The following CNTN4 variants were observed in gnomAD, a reference collection of about 807,000 sequenced individuals.
CNTN4 encodes the protein contactin-4.
A neutral mutation model predicts 122.5 loss-of-function variants in CNTN4; 77 were observed. The ratio of observed to expected loss-of-function variants is 0.63; its 90% confidence interval spans 0.52 to 0.76. The LOEUF (loss-of-function observed/expected upper bound fraction) is 0.76, where lower values mean the gene tolerates loss of function less well. Ranked by LOEUF, CNTN4 falls within the 30% of genes least tolerant of loss-of-function variation. CNTN4 has a pLI of 0.00. For synonymous variants in CNTN4, 512 were observed against 447.0 expected (o/e 1.15, Z -1.83); for missense variants, 1,256 against 1,259.1 (o/e 1.00, Z 0.04).
chr3:2,489,377 A>G (rs2076250827), intron 3 of CNTN4, among the ~76,000 whole-genome samples: 1 of 152,192 alleles, frequency 6.6e-6, no homozygotes, highest in African/African-American at 2.4e-5. Context: ...TTTGAATGAA[A>G]CTGGAGAAAG....
rs150208404 is a variant in CNTN4 at position 2,954,958 on chromosome 3, C to T, written c.1358+29179C>T. Among the ~76,000 whole-genome samples the T allele has an allele frequency of 5.8e-3, 882 of 152,106 alleles. 5 individuals are homozygous for T. The highest frequency in any genetic ancestry group is 0.021 in the African/African-American group (853 of 41,472). On this transcript the variant is annotated intron_variant, in intron 13 of 24. Coordinates refer to ENST00000418658, the MANE Select transcript of CNTN4 (RefSeq NM_175607.3). ...GTAGTCTCATTCCCTACGCCCTGCCCCCTGCCCCGCACCACCCCAATCACC... is the reference window on the plus strand; with the variant it reads ...GTAGTCTCATTCCCTACGCCCTGCCTCCTGCCCCGCACCACCCCAATCACC...
chr3:2,407,073 G>A (rs376613486), intron 3 of CNTN4, among the ~76,000 whole-genome samples: 8 of 152,028 alleles, frequency 5.3e-5, no homozygotes, highest in East Asian at 1.9e-4. Flanking sequence ...ATCTTTCTTC[G>A]TCTAACTCAC....
chr3:2,521,603 A>C (rs2077221953), intron 3 of CNTN4, among the ~76,000 whole-genome samples: 1 of 152,140 alleles, frequency 6.6e-6, no homozygotes, highest in Non-Finnish European at 1.5e-5. Flanking sequence ...AGAAGTAAAT[A>C]TTATAGCAAC....
At chr3:2,306,265 T>C (rs987008287) in intron 2 of CNTN4, among the ~76,000 whole-genome samples, 1 of 152,122 alleles carries the variant, frequency 6.6e-6, no homozygotes, top group Non-Finnish European at 1.5e-5. Flanking sequence ...TGCATGAGGG[T>C]TTTTATTTCT....
chr3:2,711,637 C>T (rs2728038), intron 4 of CNTN4, among the ~76,000 whole-genome samples: 9,129 of 152,164 alleles, frequency 0.06, 683 homozygotes, highest in African/African-American at 0.18. Context: ...ATGCTAAACG[C>T]AGAGAGGATT....
intron 12 of CNTN4, among the ~76,000 whole-genome samples, chr3:2,922,708 G>A (rs2094440659): frequency 6.8e-6 from 1 of 146,520 alleles, no homozygotes; most frequent in African/African-American, 2.5e-5. Flanking sequence ...CACCTCCCAG[G>A]TTAAAGCGCT....
At chr3:2,255,731 T>C (rs959190448) in intron 2 of CNTN4, among the ~76,000 whole-genome samples, 7 of 152,288 alleles carry the variant, frequency 4.6e-5, no homozygotes, top group African/African-American at 1.7e-4. Flanking sequence ...ATAAGTTCTT[T>C]GAAACCAAGG....
chr3:2,169,599 C>G (rs2728521), intron 2 of CNTN4, among the ~76,000 whole-genome samples: 33,772 of 150,508 alleles, frequency 0.22, 3,993 homozygotes, highest in Middle Eastern at 0.3. Flanking sequence ...GGGTTTCACC[C>G]TGCTAGCCAG....
intron 2 of CNTN4, among the ~76,000 whole-genome samples, chr3:2,223,979 G>GA (rs1273453497): frequency 2.0e-5 from 3 of 152,282 alleles, no homozygotes; most frequent in South Asian, 4.2e-4. Context: ...GGTGTGGAGA[G>GA]ATAAGAGACA....
Position 2,370,822 on chromosome 3 carries a change from A to T in CNTN4, c.-89+31589A>T, listed in dbSNP as rs2045603862. ...AAGGTGAATATATACCAGTTTTCCA[A>T]ATTACATGGTGCATCCCCCCACCTC... On this transcript the variant is annotated intron_variant, in intron 3 of 24. Coordinates refer to ENST00000418658, the MANE Select transcript of CNTN4 (RefSeq NM_175607.3). 2.6e-5 allele frequency among the ~76,000 whole-genome samples: 4 copies of T among 152,202 alleles called. No individual in the cohort carries two copies. The South Asian group carries it at 6.2e-4, about 24-fold the overall frequency.
At chr3:2,762,513 C>T (rs113699686) in intron 6 of CNTN4, among the ~76,000 whole-genome samples, 74 of 152,228 alleles carry the variant, frequency 4.9e-4, no homozygotes, top group Middle Eastern at 3.4e-3. Context: ...TGGCTCCATC[C>T]GTGTCTCTGC....
At chr3:2,740,639 A>G (rs2089406835) in intron 5 of CNTN4, among the ~76,000 whole-genome samples, 1 of 123,902 alleles carries the variant, frequency 8.1e-6, no homozygotes, top group Non-Finnish European at 1.7e-5. Flanking sequence ...TTATGCCTCT[A>G]TTCAAATTTG....
chr3:2,896,736 C>T (rs1350390336), intron 10 of CNTN4, among the ~76,000 whole-genome samples: 1 of 152,092 alleles, frequency 6.6e-6, no homozygotes, highest in Non-Finnish European at 1.5e-5. Flanking sequence ...TGGGAAGCAT[C>T]TATGTATATA....
At chr3:2,905,076 C>T (rs2094214842) in intron 12 of CNTN4, among the ~76,000 whole-genome samples, 1 of 152,086 alleles carries the variant, frequency 6.6e-6, no homozygotes, top group South Asian at 2.1e-4. Context: ...CTGCACAGCC[C>T]TCCCCTCTCT....
At chr3:2,941,345 C>T (rs1391794310) in intron 13 of CNTN4, among the ~76,000 whole-genome samples, 1 of 152,128 alleles carries the variant, frequency 6.6e-6, no homozygotes, top group Non-Finnish European at 1.5e-5. Context: ...CATGTGTGTA[C>T]TGACAACCCT....
At chr3:2,121,164 T>C (rs1243295290) in intron 2 of CNTN4, among the ~76,000 whole-genome samples, 1 of 151,922 alleles carries the variant, frequency 6.6e-6, no homozygotes, top group Non-Finnish European at 1.5e-5. Context: ...CTTTGTTCCT[T>C]CCTCCCTCTT....
rs114131122 is a variant in CNTN4, at chr3:2,247,472, G to A, written c.-144-91706G>A. Among the ~76,000 whole-genome samples, 370 of 152,104 alleles carry A rather than the reference G, an allele frequency of 2.4e-3. 1 individual carries two copies. Among genetic ancestry groups the A allele is most frequent in the African/African-American group, 8.3e-3 (344 of 41,524 alleles). On this transcript the variant is annotated intron_variant, in intron 2 of 24. Coordinates refer to ENST00000418658, the MANE Select transcript of CNTN4 (RefSeq NM_175607.3). ...GCAGTTGCCTCTTGTGATTGATGAT[G>A]ATGATGACAGATGATGATAGTTTTG...
intron 4 of CNTN4, among the ~76,000 whole-genome samples, chr3:2,710,320 T>C (rs1487604654): frequency 6.6e-6 from 1 of 152,134 alleles, no homozygotes; most frequent in Non-Finnish European, 1.5e-5. Context: ...TAAGAAGCAA[T>C]TGGAGAGGCA....
At chr3:2,964,393 C>T (rs1164633032) in intron 13 of CNTN4, among the ~76,000 whole-genome samples, 2 of 152,140 alleles carry the variant, frequency 1.3e-5, no homozygotes, top group African/African-American at 4.8e-5. Flanking sequence ...ACATGTTTTT[C>T]ACCAAATTGC....
Sources: allele counts gnomAD v4.1 joint callset (sites outside exome capture counted in the v4.1 genomes callset), GRCh38; gene constraint gnomAD v4.1.1; transcripts MANE v1.5; gene names NCBI Gene and HGNC (gene_info 2026-07-23, HGNC 2026-07-21).